The following TMC4 variants were observed in gnomAD, a reference collection of about 807,000 sequenced individuals.
TMC4 encodes the protein transmembrane channel like 4.
A neutral mutation model predicts 82.0 loss-of-function variants in TMC4; 70 were observed. The ratio of observed to expected loss-of-function variants is 0.85; its 90% CI spans 0.70 to 1.04. The LOEUF (loss-of-function observed/expected upper bound fraction) is 1.04. TMC4 is among the 50% of genes least tolerant of loss of function. The pLI is 0.00. For missense variants in TMC4, 879 were observed against 899.0 expected, an observed-to-expected ratio of 0.98 and a Z score of 0.28; for synonymous variants, 446 against 406.0, an observed-to-expected ratio of 1.10 and a Z score of -1.18.
At chr19:54,162,014 G>A (rs1221161818) in intron 11 of TMC4, 88 bp downstream of exon 11, 2 of 1,214,776 alleles carry the variant, frequency 1.6e-6, no homozygotes, top group East Asian at 5.3e-5. Context: ...GAGTAATCCA[G>A]GCCCCCAGGA....
At chr19:54,161,860 T>C (rs1195977138) in intron 11 of TMC4, among the ~76,000 whole-genome samples, 2 of 152,068 alleles carry the variant, frequency 1.3e-5, no homozygotes, top group African/African-American at 4.8e-5. Flanking sequence ...TCTCCTTTTT[T>C]CCGAACCAGG....
chr19:54,168,733 CCCCTCCTA>C, intron 3 of TMC4, 53 bp from the exon 4 acceptor site: 1 of 1,221,288 alleles, frequency 8.2e-7, no homozygotes. Context: ...GCAGGACCAG[CCCCTCCTA>C]CCCCTGGACT....
intron 9 of TMC4, 39 bp from the exon 10 acceptor site, chr19:54,162,809 C>G: frequency 6.3e-7 from 1 of 1,590,704 alleles, no homozygotes; most frequent in Admixed American, 1.7e-5. Flanking sequence ...AACTCGGGAC[C>G]CGGGCACCTG....
At chr19:54,171,641 C>A (rs982556070) in intron 2 of TMC4, among the ~76,000 whole-genome samples, 13 of 152,120 alleles carry the variant, frequency 8.5e-5, no homozygotes, top group African/African-American at 3.1e-4. Context: ...GACGGCAAAT[C>A]CCAGAGAGAA....
rs772685192 is a variant in TMC4, at chr19:54,165,535, C to A, written c.829G>T (p.Ala277Ser). The A allele has an allele frequency of 1.2e-5, 19 of 1,610,456 alleles. No homozygotes were observed. The highest frequency in any genetic ancestry group is 1.1e-5 in the Non-Finnish European group (13 of 1,177,854). The change falls in exon 6 of 15, where the codon GCG becomes TCG. Residue 277 changes from alanine (A) to serine (S), a missense_variant. Physicochemically the swap from Ala to Ser is moderately conservative, Grantham distance 99. Transcript: ENST00000619895. The stretch of plus-strand genomic sequence containing the variant: ...TAGCTGGTCAGAGCCTCGGACTCCG[C>A]CAGCAGTGTCTGCTTCAGCCCAGAC... ...SVSGLKQTLL[A>S]ESEALTSYSH...
chr19:54,164,380 T>G, intron 7 of TMC4, 54 bp downstream of exon 7: 1 of 1,552,654 alleles, frequency 6.4e-7, no homozygotes, highest in African/African-American at 1.4e-5. Context: ...CCCTCCACCG[T>G]TGGAAATGTA....
In TMC4 at chr19:54,162,659, G is replaced by A; in HGVS notation, c.1502+14C>T. The A allele has an allele frequency of 2.5e-6, 4 of 1,608,574 alleles. No individual in the cohort carries two copies. The highest frequency in any genetic ancestry group is 1.1e-5 in the South Asian group (1 of 90,894). On this transcript the variant is annotated intron_variant, in intron 10 of 14. Coordinates refer to ENST00000619895, the MANE Select transcript of TMC4 (RefSeq NM_144686.4). ...CTAGAGGGGCGGGGCCACAGCAAGG[G>A]GCGGGGCTCTCACTTTCTAGGAAAC... is the stretch of plus-strand genomic sequence containing the variant.
chr19:54,166,677 G>C (rs1226174955), intron 5 of TMC4, among the ~76,000 whole-genome samples: 1 of 152,172 alleles, frequency 6.6e-6, no homozygotes, highest in Non-Finnish European at 1.5e-5. Flanking sequence ...CTCTTTGCCG[G>C]GCGTGGTGGC....
intron 4 of TMC4, 68 bp from the exon 5 acceptor site, chr19:54,168,360 G>T (rs2075757019): frequency 2.2e-5 from 33 of 1,528,544 alleles, no homozygotes; most frequent in African/African-American, 2.8e-5. Flanking sequence ...GCACAGTCAG[G>T]GTCTGGGGTC....
chr19:54,169,750 G>C, intron 2 of TMC4, 90 bp from the exon 3 acceptor site: 1 of 1,529,906 alleles, frequency 6.5e-7, no homozygotes, highest in African/African-American at 1.4e-5. Context: ...GTAGAATGGA[G>C]AAGTAAATTG....
In TMC4 at chr19:54,165,505, G is replaced by A; in HGVS notation, c.859C>T (p.His287Tyr). Residue 287 changes from histidine to tyrosine, a missense_variant, in exon 6 of 15, where the codon CAC becomes TAC. Physicochemically the swap from His to Tyr is moderately conservative, Grantham distance 83. Coordinates refer to ENST00000619895, the MANE Select transcript of TMC4 (RefSeq NM_144686.4). ...AESEALTSYS[H>Y]RVFSAWDFGL... Reference sequence around the variant, plus strand: ...AAGTCCCAGGCCGAGAACACCCGGTGGCTGTAGCTGGTCAGAGCCTCGGAC... The same window carrying A: ...AAGTCCCAGGCCGAGAACACCCGGTAGCTGTAGCTGGTCAGAGCCTCGGAC... 2.5e-6 allele frequency: 4 copies of A among 1,612,922 alleles called. No homozygotes were observed. The highest frequency in any genetic ancestry group is 2.5e-6 in the Non-Finnish European group (3 of 1,179,506).
rs143879652 is a variant in TMC4, at chr19:54,168,122, C to T, written c.797+49G>A. On this transcript the variant is annotated intron_variant, in intron 5 of 14. Coordinates refer to ENST00000619895, the MANE Select transcript of TMC4 (RefSeq NM_144686.4). The stretch of plus-strand genomic sequence containing the variant: ...GGTTTCTGCCACCACCACTTGCTTC[C>T]CCACCCCAACCCGTCCCGTCAGGGG... 4,273 of 1,551,150 alleles carry T rather than the reference C, an allele frequency of 2.8e-3. 16 individuals carry two copies. Among genetic ancestry groups the T allele is most frequent in the Non-Finnish European group, 3.5e-3 (3,963 of 1,144,770 alleles).
chr19:54,161,048 G>C lies in TMC4; in HGVS notation c.1818-15C>G. On this transcript the variant is annotated splice_polypyrimidine_tract_variant and intron_variant, in intron 12 of 14. Coordinates refer to ENST00000619895, the MANE Select transcript of TMC4 (RefSeq NM_144686.4). Reference sequence around the variant, plus strand: ...AAGGCGGGATCCTGAAGTCAAGACAGGCTGGGCTCACATAGTGCCAGGAGT... The same window carrying C: ...AAGGCGGGATCCTGAAGTCAAGACACGCTGGGCTCACATAGTGCCAGGAGT... The C allele has an allele frequency of 6.2e-7, 1 of 1,613,974 alleles. No homozygotes were observed.
chr19:54,169,332 G>A (rs1456054257), intron 3 of TMC4, among the ~76,000 whole-genome samples, 180 bp downstream of exon 3: 2 of 151,816 alleles, frequency 1.3e-5, no homozygotes, highest in Non-Finnish European at 2.9e-5. Flanking sequence ...ACCGCGCCAG[G>A]CCCAGCCGTG....
Position 54,162,711 on chromosome 19 carries a change from A to G in TMC4, c.1464T>C (p.Thr488=). 1 of 1,613,464 alleles carries G rather than the reference A, an allele frequency of 6.2e-7. No homozygotes were observed. Among genetic ancestry groups the G allele is most frequent in the Non-Finnish European group, 8.5e-7 (1 of 1,179,364 alleles). Residue 488 remains threonine (T), a synonymous_variant, in exon 10 of 15, where the codon ACT becomes ACC. Coordinates refer to ENST00000619895, the MANE Select transcript of TMC4 (RefSeq NM_144686.4). The stretch of plus-strand genomic sequence containing the variant: ...GGATGAGCAGCGCGACTGCCAAGAC[A>G]GTCAGCAGATCAAAGAGCAGAAGTT... The part of the protein sequence containing the change: ...MYKLLLFDLL[T]VLAVALLIQF...
intron 9 of TMC4, 102 bp from the exon 10 acceptor site, chr19:54,162,872 A>G: frequency 6.6e-7 from 1 of 1,512,516 alleles, no homozygotes; most frequent in Non-Finnish European, 9.1e-7. Context: ...CCCTGTCAAT[A>G]CTTTCTCTGG....
At chr19:54,169,934 A>G (rs2075843403) in intron 2 of TMC4, among the ~76,000 whole-genome samples, 1 of 134,090 alleles carries the variant, frequency 7.5e-6, no homozygotes, top group South Asian at 2.3e-4. Flanking sequence ...TACTAAAAAT[A>G]CCAAAAAAAA....
At chr19:54,170,225 A>G (rs1289779102) in intron 2 of TMC4, among the ~76,000 whole-genome samples, 1 of 152,136 alleles carries the variant, frequency 6.6e-6, no homozygotes, top group Non-Finnish European at 1.5e-5. Context: ...CTCTACAGAA[A>G]AGCAGGAGGC....
In TMC4 at chr19:54,162,267, A is replaced by C. The variant is rs370886990; in HGVS notation, c.1521T>G (p.Cys507Trp). ...QFPRKLLCGLCPGALGRLAGT... is the reference protein window; with the variant it reads ...QFPRKLLCGLWPGALGRLAGT... ...CCGCCAGACGACCCAGCGCCCCAGG[A>C]CAGAGGCCACAGAGGAGCCTGAAGG... The change falls in exon 11 of 15, where the codon TGT becomes TGG. Residue 507 changes from cysteine (C) to tryptophan (W), a missense_variant. Cys to Trp is a radical substitution (Grantham distance 215). Coordinates refer to ENST00000619895, the MANE Select transcript of TMC4 (RefSeq NM_144686.4). 1.0e-5 allele frequency: 16 copies of C among 1,581,028 alleles called. No homozygotes were observed. In the African/African-American group the frequency reaches 1.1e-4, roughly 11 times the overall value.
Sources: allele counts gnomAD v4.1 joint callset (sites outside exome capture counted in the v4.1 genomes callset), GRCh38; gene constraint gnomAD v4.1.1; transcripts MANE v1.5; gene names NCBI Gene and HGNC (gene_info 2026-07-23, HGNC 2026-07-21).